Variants in DOCK8 observed in about 807,000 individuals in gnomAD.
DOCK8 encodes the protein dedicator of cytokinesis 8, also known as dedicator of cytokinesis protein 8.
Under a neutral mutation model 245.6 loss-of-function variants are expected in DOCK8, and 141 were observed. That is an observed-to-expected ratio of 0.57 (90% CI 0.50 to 0.66). The LOEUF is 0.66. Among genes scored for constraint, DOCK8 ranks in the 30% least tolerant of loss-of-function variants. The pLI is 0.00. For missense variants in DOCK8, 2,965 were observed against 2,603.4 expected (o/e 1.14, Z -3.02); for synonymous variants, 1,168 against 970.2 (o/e 1.20, Z -3.79).
At chr9:215,600 G>C (rs1407844463) in intron 1 of DOCK8, 1 of 622,854 alleles carries the variant, frequency 1.6e-6, no homozygotes, top group East Asian at 3.5e-5. Flanking sequence ...CCATGAAGTG[G>C]AAAAAGTGAT....
At position 434,969 on chromosome 9, in the gene DOCK8, C is replaced by CT; in HGVS notation, c.5075dup (p.Gln1693ProfsTer15). 6.2e-7 allele frequency: 1 copy of CT among 1,612,676 alleles called. No homozygotes were observed. Among genetic ancestry groups the CT allele is most frequent in the Non-Finnish European group, 8.5e-7 (1 of 1,180,026 alleles). On this transcript the variant is annotated frameshift_variant, in exon 39 of 48. Coordinates refer to ENST00000432829, the MANE Select transcript of DOCK8 (RefSeq NM_203447.4). LOFTEE classifies it high-confidence loss of function. Reference sequence around the variant, plus strand: ...GCTACCTGCCCGTGGGCAGTGTCAGCTTCCAGGTAGGGTGTGTGCAGCTTT... The same window carrying CT: ...GCTACCTGCCCGTGGGCAGTGTCAGCTTTCCAGGTAGGGTGTGTGCAGCTTT...
At chr9:333,464 G>T (rs978878297) in intron 10 of DOCK8, among the ~76,000 whole-genome samples, 1 of 152,138 alleles carries the variant, frequency 6.6e-6, no homozygotes, top group African/African-American at 2.4e-5. Flanking sequence ...AGCCGGGCAT[G>T]GTGGCACGTG....
intron 12 of DOCK8, among the ~76,000 whole-genome samples, chr9:338,749 G>T (rs1035091564): frequency 2.6e-5 from 4 of 152,214 alleles, no homozygotes; most frequent in Non-Finnish European, 5.9e-5. Flanking sequence ...CTAATGGTCA[G>T]ACGGGCTTCC....
chr9:212,315 T>C (rs1007168365), upstream of DOCK8, among the ~76,000 whole-genome samples: 5 of 152,080 alleles, frequency 3.3e-5, no homozygotes, highest in African/African-American at 1.2e-4. Context: ...TTTAGGATAA[T>C]TGATGTATGG....
At chr9:331,321 T>G (rs2051001543) in intron 9 of DOCK8, among the ~76,000 whole-genome samples, 1 of 152,220 alleles carries the variant, frequency 6.6e-6, no homozygotes, top group Admixed American at 6.5e-5. Context: ...CGCCTTCTCT[T>G]CATGCTGTGG....
chr9:402,429 G>C (rs1301316440), intron 26 of DOCK8, among the ~76,000 whole-genome samples: 1 of 152,258 alleles, frequency 6.6e-6, no homozygotes, highest in South Asian at 2.1e-4. Context: ...AAAAAACTAG[G>C]CTGGATTAGA....
At chr9:423,832 A>G (rs946917133) in intron 33 of DOCK8, among the ~76,000 whole-genome samples, 1 of 151,900 alleles carries the variant, frequency 6.6e-6, no homozygotes, top group Non-Finnish European at 1.5e-5. Flanking sequence ...TAGCTCATCT[A>G]CTCTACTAGA....
Position 214,869 on chromosome 9 carries a change from G to A in DOCK8, c.-108G>A, listed in dbSNP as rs1350335846. 3 of 1,601,750 alleles carry A rather than the reference G, an allele frequency of 1.9e-6. No individual in the cohort carries two copies. Among genetic ancestry groups the A allele is most frequent in the African/African-American group, 1.4e-5 (1 of 73,466 alleles). ...CGGAAGTTTCCAGCGCCGACCGACA[G>A]ACGAGGTTTGCGCTTGGCTGGGCAT... On this transcript the variant is annotated 5_prime_UTR_variant, in exon 1 of 48. Coordinates refer to ENST00000432829, the MANE Select transcript of DOCK8 (RefSeq NM_203447.4).
At chr9:275,863 A>G (rs1449559647) in intron 2 of DOCK8, among the ~76,000 whole-genome samples, 1 of 144,802 alleles carries the variant, frequency 6.9e-6, no homozygotes, top group Non-Finnish European at 1.5e-5. Flanking sequence ...TGCTGGGATT[A>G]CAGGCATGAG....
intron 1 of DOCK8, among the ~76,000 whole-genome samples, chr9:228,718 C>T (rs2047040748): frequency 6.6e-6 from 1 of 152,142 alleles, no homozygotes; most frequent in African/African-American, 2.4e-5. Flanking sequence ...TAACAAACCA[C>T]CCCAAAGTTT....
chr9:385,847 AT>A (rs1247845401), intron 22 of DOCK8, among the ~76,000 whole-genome samples: 1 of 152,190 alleles, frequency 6.6e-6, no homozygotes, highest in African/African-American at 2.4e-5. Flanking sequence ...TTAAATTTTT[AT>A]GTGGACAGGG....
chr9:439,273 CTG>C lies in DOCK8; in HGVS notation c.5111_5112del (p.Val1704GlyfsTer3). ...ATTTCTTCCAATGTGCTGGAGGAGT[CTG>C]TGGTCTCTGAGGACACCCTGTCACC... On this transcript the variant is annotated frameshift_variant, in exon 40 of 48. Transcript: ENST00000432829. LOFTEE classifies it high-confidence loss of function. 6.2e-7 allele frequency: 1 copy of C among 1,614,186 alleles called. No homozygotes were observed. Among genetic ancestry groups the C allele is most frequent in the Non-Finnish European group, 8.5e-7 (1 of 1,180,028 alleles).
intron 10 of DOCK8, among the ~76,000 whole-genome samples, chr9:333,207 C>T (rs976921648): frequency 6.6e-6 from 1 of 152,212 alleles, no homozygotes; most frequent in Non-Finnish European, 1.5e-5. Flanking sequence ...CTGCCACTAC[C>T]ATGCATTATA....
intron 33 of DOCK8, among the ~76,000 whole-genome samples, chr9:424,514 A>G (rs939438975): frequency 3.3e-5 from 5 of 151,996 alleles, no homozygotes; most frequent in Non-Finnish European, 1.5e-5. Context: ...GCCTCAAACA[A>G]TCCTCCCACC....
intron 25 of DOCK8, among the ~76,000 whole-genome samples, 196 bp downstream of exon 25, chr9:397,130 G>A (rs1025967192): frequency 4.6e-5 from 7 of 152,016 alleles, no homozygotes; most frequent in Non-Finnish European, 1.0e-4. Context: ...ACACACATGA[G>A]GCCAGGGGTT....
Position 400,902 on chromosome 9 carries a change from CTACCAACAG to C in DOCK8, c.3234+1644_3234+1652del, listed in dbSNP as rs1310019700. ...ACCTCCACCACCACCACCTCCCCCA[CTACCAACAG>C]CTCCTTCACCATCACCACAACATCC... On this transcript the variant is annotated intron_variant, in intron 26 of 47. Transcript: ENST00000432829. Among the ~76,000 whole-genome samples, 4 of 111,358 alleles carry C rather than the reference CTACCAACAG, an allele frequency of 3.6e-5. 1 individual carries two copies. The highest frequency in any genetic ancestry group is 7.2e-5 in the Non-Finnish European group (4 of 55,578). The allele number at this position is 111,358 out of a possible 152,430, so 73.1% of individuals were successfully genotyped here.
At chr9:400,574 ACCT>A (rs2054895983) in intron 26 of DOCK8, among the ~76,000 whole-genome samples, 1 of 85,062 alleles carries the variant, frequency 1.2e-5, no homozygotes. Context: ...CACCACCACC[ACCT>A]CCACCATCAC....
At chr9:246,674 T>C (rs555223512) in intron 1 of DOCK8, among the ~76,000 whole-genome samples, 1 of 152,316 alleles carries the variant, frequency 6.6e-6, no homozygotes, top group East Asian at 1.9e-4. Flanking sequence ...TAATATTGTA[T>C]AAAATGATGA....
chr9:238,102 G>C (rs375866097), intron 1 of DOCK8, among the ~76,000 whole-genome samples: 17 of 152,142 alleles, frequency 1.1e-4, no homozygotes, highest in African/African-American at 3.9e-4. Flanking sequence ...TCTAATCATT[G>C]AATAATCTGT....
Sources: gnomAD v4.1 joint callset for allele counts (sites outside exome capture counted in the v4.1 genomes callset) on GRCh38, gnomAD v4.1.1 for gene constraint, MANE v1.5 for transcripts, NCBI Gene and HGNC (gene_info 2026-07-23, HGNC 2026-07-21) for gene names.